Variants in SGCD observed in about 807,000 individuals in gnomAD.
SGCD encodes delta-sarcoglycan.
Under a neutral mutation model 36.6 loss-of-function variants are expected in SGCD, and 18 were observed. That is an observed-to-expected ratio of 0.49 (90% confidence interval 0.34 to 0.73). The LOEUF is 0.73. SGCD is among the 30% of genes least tolerant of loss of function. The probability of loss-of-function intolerance (pLI) is 0.01; values close to 1 mark genes in which losing one functional copy is unlikely to be tolerated. For missense variants in SGCD, 387 were observed against 346.7 expected (o/e 1.12, Z -0.92); for synonymous variants, 133 against 130.6 (o/e 1.02, Z -0.12).
At chr5:156,652,537 G>A (rs944840238) in intron 7 of SGCD, among the ~76,000 whole-genome samples, 2 of 151,936 alleles carry the variant, frequency 1.3e-5, no homozygotes, top group Non-Finnish European at 2.9e-5. Context: ...GAATCATATT[G>A]TTAACCAAGA....
the SGCD span, among the ~76,000 whole-genome samples, chr5:155,792,628 C>A: frequency 6.6e-6 from 1 of 151,844 alleles, no homozygotes; most frequent in Non-Finnish European, 1.5e-5. Context: ...AGAAGACATG[C>A]AAGGAGCCAA....
chr5:156,754,266 TC>T (rs1251842236), intron 7 of SGCD, among the ~76,000 whole-genome samples: 4 of 152,206 alleles, frequency 2.6e-5, no homozygotes, highest in African/African-American at 9.7e-5. Flanking sequence ...CTCTGTAAGC[TC>T]CATACTTTTT....
chr5:156,426,476 C>G (rs374089455), intron 3 of SGCD, among the ~76,000 whole-genome samples: 1 of 152,092 alleles, frequency 6.6e-6, no homozygotes, highest in Non-Finnish European at 1.5e-5. Flanking sequence ...AATCCCTTGT[C>G]GGATGCATTG....
chr5:156,436,926 A>T (rs192260989), intron 3 of SGCD, among the ~76,000 whole-genome samples: 1 of 152,256 alleles, frequency 6.6e-6, no homozygotes, highest in African/African-American at 2.4e-5. Flanking sequence ...CAAGTTGTAA[A>T]AATCAATTAG....
At chr5:156,337,940 C>G (rs1768443621) in intron 2 of SGCD, among the ~76,000 whole-genome samples, 1 of 152,156 alleles carries the variant, frequency 6.6e-6, no homozygotes, top group Non-Finnish European at 1.5e-5. Flanking sequence ...GAGAACTGCA[C>G]TCACAGCACC....
At chr5:155,910,366 G>A (rs907442069) in intron 1 of SGCD, among the ~76,000 whole-genome samples, 3 of 152,200 alleles carry the variant, frequency 2.0e-5, no homozygotes, top group Admixed American at 6.6e-5. Context: ...AAAGTTGAAG[G>A]ATTCTAGTGA....
At chr5:156,685,239 C>T (rs1289483738) in intron 7 of SGCD, among the ~76,000 whole-genome samples, 3 of 151,966 alleles carry the variant, frequency 2.0e-5, no homozygotes, top group Non-Finnish European at 4.4e-5. Flanking sequence ...GTGGGCTACT[C>T]GGCCAAGGGC....
At chr5:156,081,161 G>A (rs1201402333) in intron 1 of SGCD, among the ~76,000 whole-genome samples, 2 of 152,108 alleles carry the variant, frequency 1.3e-5, no homozygotes, top group South Asian at 2.1e-4. Context: ...CATCTTATGT[G>A]CTGAGAGAGG....
At chr5:156,654,171 C>A (rs1300292439) in intron 7 of SGCD, among the ~76,000 whole-genome samples, 1 of 152,006 alleles carries the variant, frequency 6.6e-6, no homozygotes, top group Non-Finnish European at 1.5e-5. Context: ...ACCCAATAAC[C>A]CAATGAGGTA....
At chr5:155,820,486 C>T in the SGCD span, among the ~76,000 whole-genome samples, 3 of 151,820 alleles carry the variant, frequency 2.0e-5, no homozygotes, top group Admixed American at 6.6e-5. Context: ...ATGGTGAAAC[C>T]CTGTGTCTAC....
At chr5:156,722,772 T>C (rs1755572732) in intron 7 of SGCD, among the ~76,000 whole-genome samples, 1 of 152,228 alleles carries the variant, frequency 6.6e-6, no homozygotes, top group Non-Finnish European at 1.5e-5. Context: ...ATTCCACTTA[T>C]GGGATGTTTT....
intron 1 of SGCD, among the ~76,000 whole-genome samples, chr5:156,104,122 A>G (rs1761586641): frequency 6.6e-6 from 1 of 152,154 alleles, no homozygotes; most frequent in Admixed American, 6.5e-5. Context: ...TTAAAGTCAC[A>G]TACTAATTAA....
At chr5:156,016,516 G>T (rs1280059854) in intron 1 of SGCD, among the ~76,000 whole-genome samples, 2 of 152,054 alleles carry the variant, frequency 1.3e-5, no homozygotes, top group African/African-American at 4.8e-5. Flanking sequence ...CTGTAGCCCT[G>T]CTCCACCCCT....
chr5:156,484,723 A>G (rs1321427462), intron 3 of SGCD, among the ~76,000 whole-genome samples: 1 of 152,174 alleles, frequency 6.6e-6, no homozygotes, highest in Non-Finnish European at 1.5e-5. Context: ...TCATTAGAAG[A>G]TATGGTGTGA....
intron 7 of SGCD, among the ~76,000 whole-genome samples, chr5:156,679,812 C>T (rs996648926): frequency 6.6e-6 from 1 of 152,086 alleles, no homozygotes; most frequent in Non-Finnish European, 1.5e-5. Flanking sequence ...TACTCCTAAC[C>T]CCCTAGATTT....
At chr5:156,546,520 A>T (rs1758577528) in intron 4 of SGCD, among the ~76,000 whole-genome samples, 1 of 152,210 alleles carries the variant, frequency 6.6e-6, no homozygotes, top group African/African-American at 2.4e-5. Context: ...TTTAACCTCC[A>T]TTGTGTACCC....
chr5:156,103,768 A>T (rs936437373), intron 1 of SGCD, among the ~76,000 whole-genome samples: 3 of 152,142 alleles, frequency 2.0e-5, no homozygotes, highest in African/African-American at 7.2e-5. Flanking sequence ...TCATCAGCTC[A>T]CATTTGCAAA....
intron 3 of SGCD, among the ~76,000 whole-genome samples, chr5:156,504,168 C>T (rs998002796): frequency 2.7e-5 from 4 of 149,468 alleles, no homozygotes; most frequent in African/African-American, 9.9e-5. Context: ...CACACTGTTG[C>T]ACTCCAGCCT....
intron 1 of SGCD, among the ~76,000 whole-genome samples, chr5:156,078,900 A>T (rs1760872903): frequency 6.6e-6 from 1 of 151,532 alleles, no homozygotes; most frequent in Admixed American, 6.6e-5. Context: ...AGGTTCATGC[A>T]TCACCACCAT....
Sources: gnomAD v4.1 joint callset for allele counts (sites outside exome capture counted in the v4.1 genomes callset) on GRCh38, gnomAD v4.1.1 for gene constraint, MANE v1.5 for transcripts, NCBI Gene and HGNC (gene_info 2026-07-23, HGNC 2026-07-21) for gene names.